The following LAMC2 variants were observed in gnomAD, a reference collection of about 807,000 sequenced individuals.
LAMC2 encodes laminin subunit gamma 2.
In LAMC2, 97 loss-of-function variants were observed where a neutral mutation model predicts 140.2. The ratio of observed to expected loss-of-function variants is 0.69; its 90% CI spans 0.59 to 0.82. The LOEUF (loss-of-function observed/expected upper bound fraction) is 0.82, where lower values mean the gene tolerates loss of function less well. Ranked by LOEUF, LAMC2 falls within the 40% of genes least tolerant of loss-of-function variation. The pLI is 0.00. For missense variants in LAMC2, 1,402 were observed against 1,476.1 expected (o/e 0.95, Z 0.82); for synonymous variants, 513 against 540.2 (o/e 0.95, Z 0.70).
At chr1:183,188,148 G>A (rs1273726899) in intron 1 of LAMC2, among the ~76,000 whole-genome samples, 1 of 152,214 alleles carries the variant, frequency 6.6e-6, no homozygotes, top group Non-Finnish European at 1.5e-5. Context: ...AAATACCACT[G>A]AGGCTCATTG....
At chr1:183,248,464 A>C (rs1387587467), downstream of LAMC2, 1 of 152,528 alleles carries the variant, frequency 6.6e-6, no homozygotes, top group East Asian at 1.9e-4. Flanking sequence ...CCCCCTCCTC[A>C]TGCCAACCCT....
intron 1 of LAMC2, among the ~76,000 whole-genome samples, chr1:183,186,687 T>C (rs145849374): frequency 4.1e-4 from 63 of 152,354 alleles, no homozygotes; most frequent in African/African-American, 1.4e-3. Context: ...CTTAAAAATG[T>C]TCCTTCTTGA....
At chr1:183,190,613 C>T (rs1437831206) in intron 1 of LAMC2, among the ~76,000 whole-genome samples, 2 of 152,068 alleles carry the variant, frequency 1.3e-5, no homozygotes, top group Non-Finnish European at 2.9e-5. Flanking sequence ...GAAGAACTTC[C>T]CCCACATTCA....
Position 183,215,565 on chromosome 1 carries a change from G to T in LAMC2, c.381G>T (p.Gly127=), listed in dbSNP as rs1031065688. 1 of 1,614,160 alleles carries T rather than the reference G, an allele frequency of 6.2e-7. No homozygotes were observed. Among genetic ancestry groups the T allele is most frequent in the Non-Finnish European group, 8.5e-7 (1 of 1,180,038 alleles). Residue 127 remains glycine (G), a synonymous_variant, in exon 3 of 23, where the codon GGG becomes GGT. Coordinates refer to ENST00000264144, the MANE Select transcript of LAMC2 (RefSeq NM_005562.3). ...GCTTCCACATGCTCACGGATGCGGGGTGCACCCAAGACCAGAGACTGCTGT... is the reference window on the plus strand; with the variant it reads ...GCTTCCACATGCTCACGGATGCGGGTTGCACCCAAGACCAGAGACTGCTGT... The part of the protein sequence containing the change: ...LPGFHMLTDA[G]CTQDQRLLDS...
chr1:183,209,184 T>A (rs1658998163), intron 2 of LAMC2, among the ~76,000 whole-genome samples: 1 of 152,176 alleles, frequency 6.6e-6, no homozygotes, highest in Non-Finnish European at 1.5e-5. Flanking sequence ...TCTATTATCT[T>A]TCTGGCATTA....
In LAMC2 at chr1:183,243,146, G is replaced by T; in HGVS notation, c.3329-1G>T. On this transcript the variant is annotated splice_acceptor_variant, in intron 22 of 22. Transcript: ENST00000264144. LOFTEE classifies it high-confidence loss of function. ...AACTTGTGTCTCATTCCTTGAAATA[G>T]ACCAGCCTCTCAGTGTAGATGAAGA... is the stretch of plus-strand genomic sequence containing the variant. 1 of 1,613,816 alleles carries T rather than the reference G, an allele frequency of 6.2e-7. No individual in the cohort carries two copies. The highest frequency in any genetic ancestry group is 1.1e-5 in the South Asian group (1 of 91,010).
intron 20 of LAMC2, 182 bp downstream of exon 20, chr1:183,239,745 T>C: frequency 1.5e-6 from 1 of 657,362 alleles, no homozygotes; most frequent in Non-Finnish European, 2.6e-6. Context: ...ATGTGTTTTT[T>C]TGTCCTCCGG....
chr1:183,235,382 T>C (rs916436788), intron 15 of LAMC2, among the ~76,000 whole-genome samples, 193 bp from the exon 16 acceptor site: 2 of 152,216 alleles, frequency 1.3e-5, no homozygotes, highest in African/African-American at 4.8e-5. Context: ...ACAAGGTCTA[T>C]GACATAAGGC....
At position 183,243,581 on chromosome 1, in the gene LAMC2, C is replaced by T; in HGVS notation, c.*181C>T. On this transcript the variant is annotated 3_prime_UTR_variant, in exon 23 of 23. Transcript: ENST00000264144. Reference sequence around the variant, plus strand: ...GGTGGTTGTCTTATTGCACCATACTCCTTGCTTCCTGATGCTGGGCAATGA... The same window carrying T: ...GGTGGTTGTCTTATTGCACCATACTTCTTGCTTCCTGATGCTGGGCAATGA... 2 of 694,214 alleles carry T rather than the reference C, an allele frequency of 2.9e-6. No homozygotes were observed. The highest frequency in any genetic ancestry group is 5.0e-6 in the Non-Finnish European group (2 of 400,966). The allele number at this position is 694,214 out of a possible 1,614,324, so 43.0% of individuals were successfully genotyped here.
intron 1 of LAMC2, among the ~76,000 whole-genome samples, chr1:183,189,173 G>T (rs1658246460): frequency 6.6e-6 from 1 of 152,206 alleles, no homozygotes; most frequent in Admixed American, 6.5e-5. Flanking sequence ...GATCCAATAA[G>T]TCTGTGTGTT....
chr1:183,218,383 T>G lies in LAMC2; in HGVS notation c.405-7T>G. Reference sequence around the variant, plus strand: ...ATGTCCCTAATTTTCTTTTTCTTCTTCCCCAGAGACTCCAAGTGTGACTGT... The same window carrying G: ...ATGTCCCTAATTTTCTTTTTCTTCTGCCCCAGAGACTCCAAGTGTGACTGT... On this transcript the variant is annotated splice_region_variant and splice_polypyrimidine_tract_variant and intron_variant, in intron 3 of 22. Coordinates refer to ENST00000264144, the MANE Select transcript of LAMC2 (RefSeq NM_005562.3). 1.2e-6 allele frequency: 2 copies of G among 1,612,294 alleles called. No individual in the cohort carries two copies. Among genetic ancestry groups the G allele is most frequent in the Non-Finnish European group, 1.7e-6 (2 of 1,178,314 alleles).
At chr1:183,238,534 G>C (rs1242463638) in intron 19 of LAMC2, 113 bp downstream of exon 19, 1 of 712,450 alleles carries the variant, frequency 1.4e-6, no homozygotes, top group African/African-American at 1.8e-5. Context: ...GATATTAATA[G>C]ATCCTTAGTA....
intron 1 of LAMC2, among the ~76,000 whole-genome samples, chr1:183,186,885 A>G (rs1321370249): frequency 1.3e-5 from 2 of 152,194 alleles, no homozygotes. Flanking sequence ...GGATGGAAAA[A>G]TGAGCCTTAA....
chr1:183,236,638 G>A, intron 17 of LAMC2, 34 bp downstream of exon 17: 1 of 1,612,680 alleles, frequency 6.2e-7, no homozygotes, highest in Admixed American at 1.7e-5. Flanking sequence ...TTGATATACA[G>A]GAGGGCCATA....
chr1:183,225,471 G>T (rs930134971), intron 7 of LAMC2, 137 bp from the exon 8 acceptor site: 7 of 698,398 alleles, frequency 1.0e-5, no homozygotes, highest in Non-Finnish European at 1.8e-5. Context: ...ATGAAAAGGT[G>T]GCTCTCAGTC....
rs756109283 is a variant in LAMC2 at position 183,240,277 on chromosome 1, C to T, written c.3229-15C>T. Reference sequence around the variant, plus strand: ...AATACCTTTTCAAGGCTGGTTTGTGCTTATTTGTCCTCAGGTGATTACAGA... The same window carrying T: ...AATACCTTTTCAAGGCTGGTTTGTGTTTATTTGTCCTCAGGTGATTACAGA... On this transcript the variant is annotated splice_polypyrimidine_tract_variant and intron_variant, in intron 21 of 22. Coordinates refer to ENST00000264144, the MANE Select transcript of LAMC2 (RefSeq NM_005562.3). 3 of 1,614,058 alleles carry T rather than the reference C, an allele frequency of 1.9e-6. No homozygotes were observed. The highest frequency in any genetic ancestry group is 1.3e-5 in the African/African-American group (1 of 74,914).
At chr1:183,209,077 T>C (rs888524181) in intron 2 of LAMC2, among the ~76,000 whole-genome samples, 3 of 151,978 alleles carry the variant, frequency 2.0e-5, no homozygotes, top group African/African-American at 7.3e-5. Context: ...CTGTGCTGTA[T>C]TCATTGTGGA....
chr1:183,222,687 C>T (rs1006864211), intron 6 of LAMC2, among the ~76,000 whole-genome samples: 5 of 152,018 alleles, frequency 3.3e-5, no homozygotes, highest in Admixed American at 2.6e-4. Flanking sequence ...GATTCTTGGG[C>T]AAGTTGTTCT....
chr1:183,217,721 G>A (rs10911283), intron 3 of LAMC2, among the ~76,000 whole-genome samples: 35,956 of 152,096 alleles, frequency 0.24, 4,653 homozygotes, highest in East Asian at 0.35. Context: ...ACTGGTGGCT[G>A]CCGAGGGCTG....
Sources: gnomAD v4.1 joint callset for allele counts (sites outside exome capture counted in the v4.1 genomes callset) on GRCh38, gnomAD v4.1.1 for gene constraint, MANE v1.5 for transcripts, NCBI Gene and HGNC (gene_info 2026-07-23, HGNC 2026-07-21) for gene names.